HTT: variants seen among roughly 807,000 people sequenced by gnomAD.
HTT encodes the protein huntingtin.
HTT carries 104 observed loss-of-function variants against 362.3 expected under a neutral mutation model. The ratio of observed to expected loss-of-function variants is 0.29; its 90% CI spans 0.24 to 0.34. HTT has a LOEUF of 0.34. Among genes scored for constraint, HTT ranks in the 10% least tolerant of loss-of-function variants. The probability of loss-of-function intolerance (pLI) is 1.00; values close to 1 mark genes in which losing one functional copy is unlikely to be tolerated. For missense variants in HTT, 3,301 were observed against 3,928.6 expected (o/e 0.84, Z 4.27); for synonymous variants, 1,577 against 1,548.7 (o/e 1.02, Z -0.43).
At position 3,122,914 on chromosome 4, in the gene HTT, T is replaced by C. The variant is rs1166300700; in HGVS notation, c.1299T>C (p.Pro433=). The part of the protein sequence containing the change: ...LIAGGGSSCS[P]VLSRKQKGKV... ...CTGGAGGGGGTTCCTCATGCAGCCC[T>C]GTCCTTTCAAGAAAACAAAAAGGTG... The change falls in exon 10 of 67, where the codon CCT becomes CCC. Residue 433 remains proline (P), a synonymous_variant. Transcript: ENST00000355072. The C allele has an allele frequency of 1.2e-6, 2 of 1,612,060 alleles. No individual in the cohort carries two copies. Among genetic ancestry groups the C allele is most frequent in the Non-Finnish European group, 1.7e-6 (2 of 1,178,868 alleles).
At chr4:3,116,693 G>A (rs542126756) in intron 8 of HTT, among the ~76,000 whole-genome samples, 24 of 152,330 alleles carry the variant, frequency 1.6e-4, no homozygotes, top group East Asian at 1.5e-3. Flanking sequence ...GGTGGTATAT[G>A]CTCACTCAAG....
Position 3,212,028 on chromosome 4 carries a change from A to G in HTT, c.6514A>G (p.Thr2172Ala). The G allele has an allele frequency of 6.2e-7, 1 of 1,614,086 alleles. No homozygotes were observed. Residue 2172 changes from threonine to alanine, a missense_variant, in exon 48 of 67, where the codon ACT becomes GCT. This residue lies in a region of HTT where 2,316 missense variants were observed against 2,658.5 expected (regional missense o/e 0.87). Coordinates refer to ENST00000355072, the MANE Select transcript of HTT (RefSeq NM_001388492.1). ...CCTTTTTGAAGCAGCCCGTGAGGTG[A>G]CTCTGGCCCGTGTGAGCGGCACCGT... ...SALFEAAREVTLARVSGTVQQ... is the reference protein window; with the variant it reads ...SALFEAAREVALARVSGTVQQ...
intron 24 of HTT, 91 bp from the exon 25 acceptor site, chr4:3,146,706 C>T: frequency 9.0e-7 from 1 of 1,112,448 alleles, no homozygotes; most frequent in Non-Finnish European, 1.4e-6. Flanking sequence ...TGTATTGTGA[C>T]ATGCCTTCCT....
chr4:3,165,886 A>G (rs1717678150), intron 29 of HTT, among the ~76,000 whole-genome samples: 1 of 151,888 alleles, frequency 6.6e-6, no homozygotes, highest in Non-Finnish European at 1.5e-5. Context: ...GTTTGTTATT[A>G]CCGACCTTCT....
intron 36 of HTT, among the ~76,000 whole-genome samples, chr4:3,182,132 C>T (rs1718551215): frequency 2.0e-5 from 3 of 152,182 alleles, no homozygotes; most frequent in Admixed American, 2.0e-4. Context: ...AAGTGTGCAC[C>T]TTGTATGTGC....
chr4:3,130,125 A>G (rs1037237620), intron 13 of HTT, 78 bp downstream of exon 13: 30 of 1,424,670 alleles, frequency 2.1e-5, no homozygotes, highest in Non-Finnish European at 2.8e-5. Context: ...TTTGCTTCCA[A>G]GAAGAAGTCC....
intron 2 of HTT, among the ~76,000 whole-genome samples, chr4:3,092,640 C>G (rs1713576549): frequency 6.6e-6 from 1 of 152,110 alleles, no homozygotes; most frequent in African/African-American, 2.4e-5. Flanking sequence ...CCTTGGCCTC[C>G]CAAAGCGCTG....
At chr4:3,239,014 C>A in intron 66 of HTT, 36 bp downstream of exon 66, 2 of 1,569,276 alleles carry the variant, frequency 1.3e-6, no homozygotes, top group Non-Finnish European at 1.7e-6. Flanking sequence ...GGCCCCGTTT[C>A]CCTTGTCAAC....
chr4:3,135,479 C>CA (rs1304835822), intron 19 of HTT, among the ~76,000 whole-genome samples: 1 of 150,910 alleles, frequency 6.6e-6, no homozygotes, highest in Non-Finnish European at 1.5e-5. Flanking sequence ...TTTTATAGAG[C>CA]CCTTGTGGGT....
chr4:3,126,590 A>G (rs766332103), intron 11 of HTT, among the ~76,000 whole-genome samples: 1 of 152,204 alleles, frequency 6.6e-6, no homozygotes, highest in Non-Finnish European at 1.5e-5. Context: ...GATTACACAA[A>G]TTAAACAACA....
At chr4:3,108,158 A>G (rs1466922965) in intron 6 of HTT, among the ~76,000 whole-genome samples, 1 of 152,244 alleles carries the variant, frequency 6.6e-6, no homozygotes, top group Non-Finnish European at 1.5e-5. Flanking sequence ...AGAGTAAAAT[A>G]AAGGAATATG....
At position 3,208,764 on chromosome 4, in the gene HTT, G is replaced by A. The variant is rs1375757813; in HGVS notation, c.6153-9G>A. On this transcript the variant is annotated splice_polypyrimidine_tract_variant and intron_variant, in intron 45 of 66. Coordinates refer to ENST00000355072, the MANE Select transcript of HTT (RefSeq NM_001388492.1). Reference sequence around the variant, plus strand: ...TTATACTGTAATTTCATTTTTATTTGTATTTTAGACACCAAAGGCTCTATT... The same window carrying A: ...TTATACTGTAATTTCATTTTTATTTATATTTTAGACACCAAAGGCTCTATT... 6.4e-7 allele frequency: 1 copy of A among 1,562,246 alleles called. No individual in the cohort carries two copies. The highest frequency in any genetic ancestry group is 8.6e-7 in the Non-Finnish European group (1 of 1,157,970).
At chr4:3,221,900 G>C (rs1720692134) in intron 53 of HTT, among the ~76,000 whole-genome samples, 1 of 152,262 alleles carries the variant, frequency 6.6e-6, no homozygotes, top group South Asian at 2.1e-4. Flanking sequence ...TATTGAGGTA[G>C]AATTCACATA....
At position 3,171,626 on chromosome 4, in the gene HTT, C is replaced by T. The variant is rs1416948476; in HGVS notation, c.3865-694C>T. ...TCAAGTAGCTGGGATTACAGGTGTG[C>T]GCCACCACGCCTGGCTAATTTTGTA... On this transcript the variant is annotated intron_variant, in intron 29 of 66. Coordinates refer to ENST00000355072, the MANE Select transcript of HTT (RefSeq NM_001388492.1). Among the ~76,000 whole-genome samples, 6 of 151,960 alleles carry T rather than the reference C, an allele frequency of 3.9e-5. No individual in the cohort carries two copies. In the South Asian group the frequency reaches 8.3e-4, roughly 21 times the overall value.
At chr4:3,136,365 G>A (rs1271961594) in intron 21 of HTT, 39 bp downstream of exon 21, 1 of 1,123,026 alleles carries the variant, frequency 8.9e-7, no homozygotes, top group Non-Finnish European at 1.3e-6. Flanking sequence ...TTTTTTGGTT[G>A]AAGTACTAAA....
At chr4:3,165,534 A>G (rs1318712631) in intron 29 of HTT, among the ~76,000 whole-genome samples, 2 of 152,144 alleles carry the variant, frequency 1.3e-5, no homozygotes, top group Non-Finnish European at 2.9e-5. Flanking sequence ...TCTCCCCATC[A>G]CTTTCAGGTA....
intron 26 of HTT, among the ~76,000 whole-genome samples, chr4:3,153,174 G>A (rs984578331): frequency 5.3e-5 from 8 of 152,098 alleles, no homozygotes; most frequent in African/African-American, 1.9e-4. Flanking sequence ...CTCATGTGGT[G>A]AGGGGGTGAG....
At chr4:3,221,744 C>G (rs904008113) in intron 53 of HTT, among the ~76,000 whole-genome samples, 1 of 152,212 alleles carries the variant, frequency 6.6e-6, no homozygotes, top group South Asian at 2.1e-4. Context: ...TAGATACACT[C>G]GAATGCAGCT....
At chr4:3,118,052 T>C (rs1446777998) in intron 8 of HTT, among the ~76,000 whole-genome samples, 1 of 152,224 alleles carries the variant, frequency 6.6e-6, no homozygotes, top group Non-Finnish European at 1.5e-5. Flanking sequence ...AGTTCATTTA[T>C]TGAGAAACCA....
Sources: allele counts gnomAD v4.1 joint callset (sites outside exome capture counted in the v4.1 genomes callset), GRCh38; gene constraint gnomAD v4.1.1; regional missense constraint gnomAD v4.1.1; transcripts MANE v1.5; gene names NCBI Gene and HGNC (gene_info 2026-07-23, HGNC 2026-07-21).